Variants in DSCAML1 observed in about 807,000 individuals in gnomAD.
DSCAML1 encodes cell adhesion molecule DSCAML1.
A neutral mutation model predicts 200.5 loss-of-function variants in DSCAML1; 38 were observed. The observed-to-expected ratio is 0.19, with a 90% CI of 0.15 to 0.25. The LOEUF (loss-of-function observed/expected upper bound fraction) is 0.25. Ranked by LOEUF, DSCAML1 falls within the 10% of genes least tolerant of loss-of-function variation. The pLI, the probability that DSCAML1 is intolerant of heterozygous loss-of-function variation, is 1.00. For missense variants in DSCAML1, 2,223 were observed against 2,858.8 expected, an observed-to-expected ratio of 0.78 and a Z score of 5.07; for synonymous variants, 1,215 against 1,165.0, an observed-to-expected ratio of 1.04 and a Z score of -0.87.
intron 1 of DSCAML1, among the ~76,000 whole-genome samples, chr11:117,813,243 A>G (rs908269842): frequency 2.6e-5 from 4 of 152,212 alleles, no homozygotes; most frequent in African/African-American, 9.7e-5. Flanking sequence ...CAGCCCATTT[A>G]ACCTCCTGTA....
intron 3 of DSCAML1, among the ~76,000 whole-genome samples, chr11:117,698,404 T>C (rs918811106): frequency 6.6e-6 from 1 of 152,202 alleles, no homozygotes; most frequent in Non-Finnish European, 1.5e-5. Flanking sequence ...ATGCAACAGA[T>C]ACATGTAAAA....
In DSCAML1 at chr11:117,518,427, C is replaced by T; in HGVS notation, c.1510+39G>A. The T allele has an allele frequency of 6.2e-7, 1 of 1,612,830 alleles. No individual in the cohort carries two copies. The highest frequency in any genetic ancestry group is 1.1e-5 in the South Asian group (1 of 90,964). ...GGTAACCACAGAGATGGCAAAGGAA[C>T]TCAAAAACCTATTCTGATATTTAAA... On this transcript the variant is annotated intron_variant, in intron 7 of 32. Coordinates refer to ENST00000651296, the MANE Select transcript of DSCAML1 (RefSeq NM_020693.4). The surrounding 1 kb of genome is among the most constrained non-coding windows in gnomAD (Gnocchi z 6.3).
At chr11:117,814,204 G>A (rs1010642904) in intron 1 of DSCAML1, among the ~76,000 whole-genome samples, 3 of 151,774 alleles carry the variant, frequency 2.0e-5, no homozygotes, top group African/African-American at 4.8e-5. Flanking sequence ...CTATAAAACG[G>A]CCCCACCCCT....
At chr11:117,749,156 G>GC (rs1285474590) in intron 3 of DSCAML1, among the ~76,000 whole-genome samples, 2 of 152,212 alleles carry the variant, frequency 1.3e-5, no homozygotes, top group African/African-American at 4.8e-5. Flanking sequence ...TCCTCCTCCA[G>GC]CCCCCTCTGC....
intron 1 of DSCAML1, among the ~76,000 whole-genome samples, chr11:117,781,740 T>C (rs1038398549): frequency 1.3e-5 from 2 of 152,204 alleles, no homozygotes; most frequent in South Asian, 2.1e-4. Context: ...AGGGAGAGGA[T>C]GGGCAAGACT....
intron 3 of DSCAML1, among the ~76,000 whole-genome samples, chr11:117,568,859 G>GA (rs1222813398): frequency 6.6e-6 from 1 of 152,124 alleles, no homozygotes; most frequent in African/African-American, 2.4e-5. Context: ...TCAAGAATTG[G>GA]AAAAAACTAC....
In DSCAML1 at chr11:117,435,732, G is replaced by C. The variant is rs557690833; in HGVS notation, c.4788C>G (p.Gly1596=). ...GDDVKKLFTI[G]CPVILATLGV... The stretch of plus-strand genomic sequence containing the variant: ...CCAGTGTGGCCAGGATGACAGGGCA[G>C]CCGATGGTGAACAGCTTCTTCACAT... The change falls in exon 27 of 33, where the codon GGC becomes GGG. Residue 1596 remains glycine (G), a synonymous_variant. Coordinates refer to ENST00000651296, the MANE Select transcript of DSCAML1 (RefSeq NM_020693.4). The C allele has an allele frequency of 9.3e-6, 15 of 1,613,554 alleles. No homozygotes were observed. The African/African-American group carries it at 1.6e-4, about 17-fold the overall frequency.
At chr11:117,781,317 A>G (rs541068199) in intron 1 of DSCAML1, among the ~76,000 whole-genome samples, 3 of 152,124 alleles carry the variant, frequency 2.0e-5, no homozygotes, top group African/African-American at 7.2e-5. Flanking sequence ...AAAGAAAGAA[A>G]AAAAGAAAAG....
At chr11:117,582,252 T>G (rs941518759) in intron 3 of DSCAML1, among the ~76,000 whole-genome samples, 3 of 152,224 alleles carry the variant, frequency 2.0e-5, no homozygotes, top group Admixed American at 6.5e-5. Flanking sequence ...CAGAGGGACC[T>G]GGGATGTGGT....
chr11:117,746,834 C>T (rs1591467036), intron 3 of DSCAML1, among the ~76,000 whole-genome samples: 1 of 152,158 alleles, frequency 6.6e-6, no homozygotes, highest in African/African-American at 2.4e-5. Context: ...CCTGCTCAGG[C>T]TTCAGGACTC....
intron 3 of DSCAML1, among the ~76,000 whole-genome samples, chr11:117,540,689 C>T (rs1355431107): frequency 8.1e-6 from 1 of 123,818 alleles, no homozygotes; most frequent in Non-Finnish European, 1.7e-5. Flanking sequence ...TAGGGCCTGT[C>T]GGGGGATGAG....
rs117986110 is a variant in DSCAML1 at position 117,511,526 on chromosome 11, C to G, written c.1783+4941G>C. ...CAAATCTAGGTTTGATCTGTGTGCT[C>G]TCCTCTTAGCATCCTGCCAAGGATT... On this transcript the variant is annotated intron_variant, in intron 8 of 32. Transcript: ENST00000651296. Among the ~76,000 whole-genome samples the G allele has an allele frequency of 3.3e-3, 509 of 152,332 alleles. 3 individuals carry two copies. Among genetic ancestry groups the G allele is most frequent in the Non-Finnish European group, 6.1e-3 (412 of 68,022 alleles).
chr11:117,471,612 T>G (rs1263180185), intron 15 of DSCAML1, among the ~76,000 whole-genome samples: 1 of 152,218 alleles, frequency 6.6e-6, no homozygotes, highest in Non-Finnish European at 1.5e-5. Context: ...GATAGATCTT[T>G]CCAGATGCTG....
At chr11:117,718,096 C>T (rs1270249327) in intron 3 of DSCAML1, among the ~76,000 whole-genome samples, 1 of 152,220 alleles carries the variant, frequency 6.6e-6, no homozygotes, top group Admixed American at 6.5e-5. Flanking sequence ...GCTGCACGTC[C>T]GTGGCAGGCG....
intron 3 of DSCAML1, among the ~76,000 whole-genome samples, chr11:117,577,728 G>A (rs925615642): frequency 2.0e-5 from 3 of 151,258 alleles, no homozygotes; most frequent in Non-Finnish European, 2.9e-5. Context: ...CACCAAGCCC[G>A]GCTAATTTTT....
intron 11 of DSCAML1, among the ~76,000 whole-genome samples, chr11:117,495,620 A>T (rs538882781): frequency 1.1e-3 from 166 of 152,228 alleles, no homozygotes; most frequent in African/African-American, 3.6e-3. Context: ...AGCTCTAGGG[A>T]GGATCCTGGC....
At chr11:117,571,700 C>G (rs2050850232) in intron 3 of DSCAML1, among the ~76,000 whole-genome samples, 1 of 152,158 alleles carries the variant, frequency 6.6e-6, no homozygotes, top group South Asian at 2.1e-4. Flanking sequence ...CTTTCAGAGG[C>G]ATTTGAACCA....
chr11:117,542,695 A>G (rs932377422), intron 3 of DSCAML1, among the ~76,000 whole-genome samples: 7 of 152,268 alleles, frequency 4.6e-5, no homozygotes, highest in Non-Finnish European at 1.0e-4. Flanking sequence ...TGAAATGCCT[A>G]TCAAATACTA....
chr11:117,784,480 G>C (rs1328260688), intron 1 of DSCAML1, among the ~76,000 whole-genome samples: 4 of 152,188 alleles, frequency 2.6e-5, no homozygotes, highest in Non-Finnish European at 5.9e-5. Flanking sequence ...ATGGGCAGCA[G>C]GTTAAGTGGC....
Sources: gnomAD v4.1 joint callset for allele counts (sites outside exome capture counted in the v4.1 genomes callset) on GRCh38, gnomAD v4.1.1 for gene constraint, Gnocchi (gnomAD v3.1) non-coding constraint, MANE v1.5 for transcripts, NCBI Gene and HGNC (gene_info 2026-07-23, HGNC 2026-07-21) for gene names.